Variants in OTUD3 observed in about 807,000 individuals in gnomAD.
OTUD3 encodes OTU domain-containing protein 3.
OTUD3 carries 24 observed loss-of-function variants against 46.2 expected under a neutral mutation model. The ratio of observed to expected loss-of-function variants is 0.52; its 90% CI spans 0.38 to 0.73. The LOEUF (loss-of-function observed/expected upper bound fraction) is 0.73. Among genes scored for constraint, OTUD3 ranks in the 30% least tolerant of loss-of-function variants. OTUD3 has a pLI of 0.00. For missense variants in OTUD3, 455 were observed against 523.3 expected, an observed-to-expected ratio of 0.87 and a Z score of 1.27; for synonymous variants, 189 against 195.4, an observed-to-expected ratio of 0.97 and a Z score of 0.27.
At chr1:19,902,460 C>A (rs2100307111) in intron 4 of OTUD3, among the ~76,000 whole-genome samples, 1 of 152,316 alleles carries the variant, frequency 6.6e-6, no homozygotes, top group African/African-American at 2.4e-5. Context: ...CCACCTCGGC[C>A]TCCCAAAGTG....
At position 19,906,575 on chromosome 1, in the gene OTUD3, C is replaced by T. The variant is rs370284415; in HGVS notation, c.979C>T (p.Pro327Ser). 3 of 1,612,918 alleles carry T rather than the reference C, an allele frequency of 1.9e-6. No homozygotes were observed. Among genetic ancestry groups the T allele is most frequent in the Non-Finnish European group, 2.5e-6 (3 of 1,179,800 alleles). ...RTENNKAQAS[P>S]SEENKANKNQ... is the part of the protein sequence containing the mutation. ...CGAAAACAATAAGGCACAGGCCAGC[C>T]CTAGTGAAGAAAACAAAGCAAATAA... Residue 327 changes from proline to serine, a missense_variant, in exon 7 of 8, where the codon CCT (proline) becomes TCT (serine). Transcript: ENST00000375120.
intron 4 of OTUD3, among the ~76,000 whole-genome samples, chr1:19,902,898 CT>C (rs2045609803): frequency 6.6e-6 from 1 of 152,016 alleles, no homozygotes; most frequent in African/African-American, 2.4e-5. Context: ...TATTGTGTTT[CT>C]TCCTTTAGTG....
At position 19,907,559 on chromosome 1, in the gene OTUD3, T is replaced by G. The variant is rs780594198; in HGVS notation, c.1021-11T>G. Reference sequence around the variant, plus strand: ...GTGCTTCCTACTCACCACCATGGCCTTCTCTCTCAGGTCACAAACAAACAG... The same window carrying G: ...GTGCTTCCTACTCACCACCATGGCCGTCTCTCTCAGGTCACAAACAAACAG... On this transcript the variant is annotated splice_polypyrimidine_tract_variant and intron_variant, in intron 7 of 7. Transcript: ENST00000375120. The G allele has an allele frequency of 5.0e-6, 8 of 1,613,504 alleles. No homozygotes were observed. The highest frequency in any genetic ancestry group is 6.8e-6 in the Non-Finnish European group (8 of 1,179,708).
rs2045683900 is a variant in OTUD3, at chr1:19,907,817, G to T, written c.*71G>T. On this transcript the variant is annotated 3_prime_UTR_variant, in exon 8 of 8. Coordinates refer to ENST00000375120, the MANE Select transcript of OTUD3 (RefSeq NM_015207.2). Reference sequence around the variant, plus strand: ...GCTGTGTGCTAGACTTTCCAGTGAGGCCGTCCTTTTATAAAACGCAACACA... The same window carrying T: ...GCTGTGTGCTAGACTTTCCAGTGAGTCCGTCCTTTTATAAAACGCAACACA... 1 of 1,449,398 alleles carries T rather than the reference G, an allele frequency of 6.9e-7. No homozygotes were observed. Among genetic ancestry groups the T allele is most frequent in the African/African-American group, 1.4e-5 (1 of 71,178 alleles). 89.8% of individuals were successfully genotyped at this position (1,449,398 alleles called of 1,614,324 possible).
intron 6 of OTUD3, among the ~76,000 whole-genome samples, 157 bp downstream of exon 6, chr1:19,905,144 G>A (rs1383476507): frequency 1.3e-5 from 2 of 152,066 alleles, no homozygotes; most frequent in African/African-American, 4.8e-5. Flanking sequence ...TTTTTACTAG[G>A]TCCTGTCTCT....
rs2298111 is a variant in OTUD3, at chr1:19,906,702, A to G, written c.1020+86A>G. On this transcript the variant is annotated intron_variant, in intron 7 of 7. Coordinates refer to ENST00000375120, the MANE Select transcript of OTUD3 (RefSeq NM_015207.2). ...GTAGCTTGAGATTAATTTTATTTGT[A>G]TTTTCCTTCTGATTTATAAAAGTAG... The G allele has an allele frequency of 6.1e-4, 736 of 1,206,878 alleles. 10 individuals carry two copies. In the East Asian group the frequency reaches 0.018, roughly 29 times the overall value. The allele number at this position is 1,206,878 out of a possible 1,614,324, so 74.8% of individuals were successfully genotyped here. A position where few individuals can be genotyped will look rare whatever the true frequency, so the allele number is the denominator to read the frequency against.
rs541157623 is a variant in OTUD3 at position 19,909,943 on chromosome 1, G to A, written c.*2197G>A. 1.3e-5 allele frequency: 2 copies of A among 152,426 alleles called. No homozygotes were observed. The highest frequency in any genetic ancestry group is 4.1e-4 in the South Asian group (2 of 4,830). The allele number at this position is 152,426 out of a possible 1,614,324, so 9.4% of individuals were successfully genotyped here. On this transcript the variant is annotated 3_prime_UTR_variant, in exon 8 of 8. Transcript: ENST00000375120. ...TTACTACTGGTTTCACAGCTTTTCAGTTACAGTTGGTCTGTTTAGTGTGTT... is the reference window on the plus strand; with the variant it reads ...TTACTACTGGTTTCACAGCTTTTCAATTACAGTTGGTCTGTTTAGTGTGTT...
intron 3 of OTUD3, among the ~76,000 whole-genome samples, 196 bp from the exon 4 acceptor site, chr1:19,897,344 A>T (rs1414557771): frequency 1.3e-5 from 2 of 152,206 alleles, no homozygotes; most frequent in African/African-American, 4.8e-5. Flanking sequence ...GTTACATATT[A>T]AATAAGCATA....
rs933921946 is a variant in OTUD3 at position 19,909,651 on chromosome 1, A to G, written c.*1905A>G. The G allele has an allele frequency of 6.6e-6, 1 of 152,342 alleles. No individual in the cohort carries two copies. The highest frequency in any genetic ancestry group is 1.5e-5 in the Non-Finnish European group (1 of 68,036). 9.4% of individuals were successfully genotyped at this position (152,342 alleles called of 1,614,324 possible). A position where few individuals can be genotyped will look rare whatever the true frequency, so the allele number is the denominator to read the frequency against. On this transcript the variant is annotated 3_prime_UTR_variant, in exon 8 of 8. Coordinates refer to ENST00000375120, the MANE Select transcript of OTUD3 (RefSeq NM_015207.2). ...GTGCAGAGGCCAGATCCTCTCAGAA[A>G]GATAAGATTGTATGCCAGAAATTCA...
chr1:19,902,281 T>C (rs1165590744), intron 4 of OTUD3, among the ~76,000 whole-genome samples: 1 of 152,154 alleles, frequency 6.6e-6, no homozygotes, highest in African/African-American at 2.4e-5. Context: ...CGTGGCTCAC[T>C]GGCAAGCTCC....
In OTUD3 at chr1:19,912,804, A is replaced by G. The variant is rs569227720; in HGVS notation, c.*5058A>G. 6.6e-6 allele frequency: 1 copy of G among 152,360 alleles called. No individual in the cohort carries two copies. Among genetic ancestry groups the G allele is most frequent in the South Asian group, 2.1e-4 (1 of 4,818 alleles). The allele number at this position is 152,360 out of a possible 1,614,324, so 9.4% of individuals were successfully genotyped here. ...ATTTACCAAAGTACTGTACTTGGCT[A>G]TTTGCAGTGTTTTCAAAACCAAATG... On this transcript the variant is annotated 3_prime_UTR_variant, in exon 8 of 8. Coordinates refer to ENST00000375120, the MANE Select transcript of OTUD3 (RefSeq NM_015207.2).
Position 19,904,945 on chromosome 1 carries a change from G to T in OTUD3, c.793G>T (p.Ala265Ser), listed in dbSNP as rs1373505532. ...LEAENYNIES[A>S]IIAVLRMNQG... Reference sequence around the variant, plus strand: ...AGCTGAAAATTATAATATTGAATCTGCAATAATTGCCGTGCTTCGGATGAA... The same window carrying T: ...AGCTGAAAATTATAATATTGAATCTTCAATAATTGCCGTGCTTCGGATGAA... Residue 265 changes from alanine to serine, a missense_variant, in exon 6 of 8, where the codon GCA becomes TCA. Transcript: ENST00000375120. The T allele has an allele frequency of 1.3e-6, 2 of 1,595,238 alleles. No individual in the cohort carries two copies. Among genetic ancestry groups the T allele is most frequent in the Non-Finnish European group, 1.7e-6 (2 of 1,163,856 alleles).
rs1026947767 is a variant in OTUD3, at chr1:19,908,531, G to C, written c.*785G>C. On this transcript the variant is annotated 3_prime_UTR_variant, in exon 8 of 8. Coordinates refer to ENST00000375120, the MANE Select transcript of OTUD3 (RefSeq NM_015207.2). ...GGGGAGATGGCATGTTACTGCTTGT[G>C]ATACAGTTCTGGAATTCTGATAGTG... 6 of 152,358 alleles carry C rather than the reference G, an allele frequency of 3.9e-5. No individual in the cohort carries two copies. Among genetic ancestry groups the C allele is most frequent in the Non-Finnish European group, 7.3e-5 (5 of 68,054 alleles). 9.4% of individuals were successfully genotyped at this position (152,358 alleles called of 1,614,324 possible).
At position 19,882,554 on chromosome 1, in the gene OTUD3, G is replaced by T. The variant is rs1303853819; in HGVS notation, c.41G>T (p.Gly14Val). The change falls in exon 1 of 8, where the codon GGC becomes GTC. Residue 14 changes from glycine to valine, a missense_variant. Coordinates refer to ENST00000375120, the MANE Select transcript of OTUD3 (RefSeq NM_015207.2). ...KQAAKSRPGSGSRKAEAERKR... is the reference protein window; with the variant it reads ...KQAAKSRPGSVSRKAEAERKR... ...GCGGCGAAGAGCCGGCCGGGCAGCG[G>T]CAGCCGGAAAGCCGAGGCCGAGCGC... is the stretch of plus-strand genomic sequence containing the variant. 2.2e-6 allele frequency: 3 copies of T among 1,354,860 alleles called. No homozygotes were observed. Among genetic ancestry groups the T allele is most frequent in the East Asian group, 3.1e-5 (1 of 32,610 alleles). 83.9% of individuals were successfully genotyped at this position (1,354,860 alleles called of 1,614,324 possible). A position where few individuals can be genotyped will look rare whatever the true frequency, so the allele number is the denominator to read the frequency against.
chr1:19,889,859 TCAAA>T (rs1223833789), intron 1 of OTUD3, among the ~76,000 whole-genome samples: 3 of 152,214 alleles, frequency 2.0e-5, no homozygotes, highest in Non-Finnish European at 2.9e-5. Flanking sequence ...TTCTTAGGAC[TCAAA>T]CAGAGTATTG....
At chr1:19,884,041 A>G (rs966576348) in intron 1 of OTUD3, among the ~76,000 whole-genome samples, 2 of 152,246 alleles carry the variant, frequency 1.3e-5, no homozygotes, top group African/African-American at 4.8e-5. Flanking sequence ...TGCTTGGTAC[A>G]TGGAAGGCAG....
At chr1:19,906,283 C>T (rs1192087213) in intron 6 of OTUD3, 149 bp from the exon 7 acceptor site, 2 of 573,080 alleles carry the variant, frequency 3.5e-6, no homozygotes, top group East Asian at 6.4e-5. Flanking sequence ...CTATGTTTCC[C>T]ACTGTCTTGA....
At position 19,911,726 on chromosome 1, in the gene OTUD3, G is replaced by T. The variant is rs1430106878; in HGVS notation, c.*3980G>T. The T allele has an allele frequency of 1.3e-5, 2 of 152,220 alleles. No individual in the cohort carries two copies. The highest frequency in any genetic ancestry group is 4.8e-5 in the African/African-American group (2 of 41,404). 9.4% of individuals were successfully genotyped at this position (152,220 alleles called of 1,614,324 possible). On this transcript the variant is annotated 3_prime_UTR_variant, in exon 8 of 8. Coordinates refer to ENST00000375120, the MANE Select transcript of OTUD3 (RefSeq NM_015207.2). Reference sequence around the variant, plus strand: ...TTTTTAATGACATCATTGATTTGAAGATCTAGATGGCATAAATTACGACGT... The same window carrying T: ...TTTTTAATGACATCATTGATTTGAATATCTAGATGGCATAAATTACGACGT...
At chr1:19,904,744 A>G (rs912397024) in intron 5 of OTUD3, 147 bp from the exon 6 acceptor site, 2 of 594,808 alleles carry the variant, frequency 3.4e-6, no homozygotes, top group Non-Finnish European at 6.0e-6. Flanking sequence ...TTGGAAATCG[A>G]CATTTTTCTA....
Sources: gnomAD v4.1 joint callset for allele counts (sites outside exome capture counted in the v4.1 genomes callset) on GRCh38, gnomAD v4.1.1 for gene constraint, MANE v1.5 for transcripts, NCBI Gene and HGNC (gene_info 2026-07-23, HGNC 2026-07-21) for gene names.